SIPA1L1: variants seen among roughly 807,000 people sequenced by gnomAD.
SIPA1L1 encodes the protein signal-induced proliferation-associated 1-like protein 1.
A neutral mutation model predicts 162.7 loss-of-function variants in SIPA1L1; 26 were observed. The ratio of observed to expected loss-of-function variants is 0.16; its 90% CI spans 0.12 to 0.22. The LOEUF (loss-of-function observed/expected upper bound fraction) is 0.22. Ranked by LOEUF, SIPA1L1 falls within the 10% of genes least tolerant of loss-of-function variation. The probability of loss-of-function intolerance (pLI) is 1.00; values close to 1 mark genes in which losing one functional copy is unlikely to be tolerated. For synonymous variants in SIPA1L1, 829 were observed against 837.4 expected, an observed-to-expected ratio of 0.99 and a Z score of 0.17; for missense variants, 1,874 against 2,241.0, an observed-to-expected ratio of 0.84 and a Z score of 3.31.
chr14:71,599,563 C>G (rs571221046), intron 5 of SIPA1L1, among the ~76,000 whole-genome samples: 1 of 147,706 alleles, frequency 6.8e-6, no homozygotes, highest in East Asian at 2.0e-4. Context: ...GATTCCATAT[C>G]TTTGCTATTG....
chr14:71,463,193 TC>T (rs1458755859), intron 2 of SIPA1L1, among the ~76,000 whole-genome samples: 2 of 152,200 alleles, frequency 1.3e-5, no homozygotes, highest in African/African-American at 4.8e-5. Flanking sequence ...TTACTATTTT[TC>T]TAGGTAGAGG....
At chr14:71,337,828 C>T (rs2035252100) in intron 2 of SIPA1L1, among the ~76,000 whole-genome samples, 1 of 152,054 alleles carries the variant, frequency 6.6e-6, no homozygotes, top group Non-Finnish European at 1.5e-5. Flanking sequence ...TGCCTGTAGT[C>T]CCAGCTGTTC....
intron 2 of SIPA1L1, among the ~76,000 whole-genome samples, chr14:71,435,402 A>G (rs2044298626): frequency 6.6e-6 from 1 of 151,548 alleles, no homozygotes; most frequent in Non-Finnish European, 1.5e-5. Flanking sequence ...TTCAATTCCC[A>G]CCTATGAGTG....
rs751420064 is a variant in SIPA1L1 at position 71,453,996 on chromosome 14, CAAAAAAAAAAAAAA to C, written c.-464-58731_-464-58718del. On this transcript the variant is annotated intron_variant, in intron 2 of 23. Transcript: ENST00000381232. ...CCTGGGTGACAGGGCGAGATTGTTT[CAAAAAAAAAAAAAA>C]AAAAAAAAAAAAAAAGGAAAAAAGA... Among the ~76,000 whole-genome samples the C allele has an allele frequency of 7.4e-4, 57 of 76,528 alleles. 1 individual carries two copies. The highest frequency in any genetic ancestry group is 2.1e-3 in the Admixed American group (12 of 5,618). The allele number at this position is 76,528 out of a possible 152,430, so 50.2% of individuals were successfully genotyped here.
intron 16 of SIPA1L1, among the ~76,000 whole-genome samples, chr14:71,708,937 A>G (rs1278440544): frequency 1.3e-5 from 2 of 152,102 alleles, no homozygotes; most frequent in African/African-American, 4.8e-5. Flanking sequence ...GACAATTTAA[A>G]TTTCTTCCTG....
chr14:71,453,483 C>T (rs1056358858), intron 2 of SIPA1L1, among the ~76,000 whole-genome samples: 30 of 151,980 alleles, frequency 2.0e-4, no homozygotes, highest in African/African-American at 5.8e-4. Flanking sequence ...CAGGCTGCAT[C>T]GTAACTTTGA....
chr14:71,435,329 C>T (rs1019085691), intron 2 of SIPA1L1, among the ~76,000 whole-genome samples: 1 of 152,028 alleles, frequency 6.6e-6, no homozygotes, highest in Non-Finnish European at 1.5e-5. Context: ...TCCTCCCTTC[C>T]CCCACCCCAC....
intron 2 of SIPA1L1, among the ~76,000 whole-genome samples, chr14:71,465,891 A>G (rs2046955650): frequency 6.6e-6 from 1 of 152,178 alleles, no homozygotes; most frequent in African/African-American, 2.4e-5. Context: ...CATGGGAGAA[A>G]GATGTAGGCT....
At chr14:71,590,431 A>G (rs1456806035) in intron 5 of SIPA1L1, among the ~76,000 whole-genome samples, 1 of 152,130 alleles carries the variant, frequency 6.6e-6, no homozygotes, top group Non-Finnish European at 1.5e-5. Flanking sequence ...AATGGTATTT[A>G]AAATTATTTA....
intron 4 of SIPA1L1, among the ~76,000 whole-genome samples, chr14:71,547,838 GTTGCTCCATTTTTGT>G (rs2055388106): frequency 6.6e-6 from 1 of 152,000 alleles, no homozygotes; most frequent in African/African-American, 2.4e-5. Flanking sequence ...ACCAATGTCT[GTTGCTCCATTTTTGT>G]TTGCCATGGT....
intron 2 of SIPA1L1, among the ~76,000 whole-genome samples, chr14:71,366,155 G>A (rs1262125408): frequency 1.3e-5 from 2 of 152,112 alleles, no homozygotes; most frequent in African/African-American, 4.8e-5. Flanking sequence ...TTTTTTAAAA[G>A]CATCACTGTT....
chr14:71,545,159 C>T (rs2055070043), intron 4 of SIPA1L1, among the ~76,000 whole-genome samples: 1 of 152,186 alleles, frequency 6.6e-6, no homozygotes, highest in Admixed American at 6.5e-5. Flanking sequence ...TGCACCCAGC[C>T]TCATTCTTGC....
chr14:71,432,261 A>T (rs1433705222), intron 2 of SIPA1L1, among the ~76,000 whole-genome samples: 1 of 151,940 alleles, frequency 6.6e-6, no homozygotes, highest in Non-Finnish European at 1.5e-5. Context: ...TTTTGTAGAG[A>T]TGAGGCCTTA....
At chr14:71,423,346 G>GT (rs981602517) in intron 2 of SIPA1L1, among the ~76,000 whole-genome samples, 3 of 151,854 alleles carry the variant, frequency 2.0e-5, no homozygotes, top group Admixed American at 6.6e-5. Context: ...CAATTTATCT[G>GT]TTTTTTAATT....
chr14:71,548,515 A>G (rs936987480), intron 4 of SIPA1L1, among the ~76,000 whole-genome samples: 2 of 152,190 alleles, frequency 1.3e-5, no homozygotes, highest in Non-Finnish European at 2.9e-5. Flanking sequence ...CTTTGAATCA[A>G]CAGAAAAATA....
chr14:71,421,892 G>A (rs1431734900), intron 2 of SIPA1L1, among the ~76,000 whole-genome samples: 2 of 152,168 alleles, frequency 1.3e-5, no homozygotes, highest in Non-Finnish European at 2.9e-5. Context: ...CACCCAGGCC[G>A]TGATTTTCTG....
intron 2 of SIPA1L1, among the ~76,000 whole-genome samples, chr14:71,373,077 C>T (rs1173068646): frequency 4.0e-5 from 6 of 151,860 alleles, no homozygotes; most frequent in Admixed American, 1.3e-4. Context: ...TTTGGGAGGC[C>T]GATGCAGGCG....
At chr14:71,694,837 C>G (rs2149714740) in intron 13 of SIPA1L1, among the ~76,000 whole-genome samples, 1 of 152,264 alleles carries the variant, frequency 6.6e-6, no homozygotes, top group South Asian at 2.1e-4. Context: ...GAAGAAAAGT[C>G]TCTTGTGATC....
intron 2 of SIPA1L1, among the ~76,000 whole-genome samples, chr14:71,479,377 G>A (rs1274299642): frequency 6.6e-6 from 1 of 151,950 alleles, no homozygotes; most frequent in Non-Finnish European, 1.5e-5. Context: ...ATGTATGTGT[G>A]TATATATGTA....
Sources: allele counts gnomAD v4.1 joint callset (sites outside exome capture counted in the v4.1 genomes callset), GRCh38; gene constraint gnomAD v4.1.1; transcripts MANE v1.5; gene names NCBI Gene and HGNC (gene_info 2026-07-23, HGNC 2026-07-21).